Variants in SLC3A1 observed in about 807,000 individuals in gnomAD.
SLC3A1 encodes solute carrier family 3 member 1.
In SLC3A1, 78 loss-of-function variants were observed where a neutral mutation model predicts 60.3. That is an observed-to-expected ratio of 1.29 (90% CI 1.08 to 1.56). The LOEUF is 1.56. Among genes scored for constraint, SLC3A1 ranks in the 40% most tolerant of loss-of-function variants. SLC3A1 has a pLI of 0.00. For missense variants in SLC3A1, 1,172 were observed against 858.9 expected (o/e 1.36, Z -4.56); for synonymous variants, 392 against 307.9 (o/e 1.27, Z -2.86).
intron 3 of SLC3A1, among the ~76,000 whole-genome samples, chr2:44,282,009 T>C (rs978975874): frequency 1.7e-4 from 26 of 152,246 alleles, no homozygotes; most frequent in African/African-American, 5.3e-4. Flanking sequence ...GTAGCTATGA[T>C]TACAGGCGCG....
At chr2:44,281,615 C>A (rs1383273891) in intron 3 of SLC3A1, 74 bp downstream of exon 3, 2 of 1,388,262 alleles carry the variant, frequency 1.4e-6, no homozygotes, top group Non-Finnish European at 1.0e-6. Context: ...TTAGTAAAAC[C>A]CTTTTGAGGG....
At chr2:44,301,235 C>T in intron 6 of SLC3A1, 108 bp downstream of exon 6, 1 of 1,354,752 alleles carries the variant, frequency 7.4e-7, no homozygotes, top group Non-Finnish European at 1.0e-6. Flanking sequence ...TGTAACAAGC[C>T]TGCATAACTC....
chr2:44,306,444 C>T lies in SLC3A1; in HGVS notation c.1332+2106C>T, dbSNP rs573895956. ...TCCGTCTGGTGAGGGGAAAGAGGCT[C>T]AAATTTTTAGGCATGGTAAAAGCTT... On this transcript the variant is annotated intron_variant, in intron 7 of 9. Coordinates refer to ENST00000260649, the MANE Select transcript of SLC3A1 (RefSeq NM_000341.4). Among the ~76,000 whole-genome samples, 8 of 150,836 alleles carry T rather than the reference C, an allele frequency of 5.3e-5. No individual in the cohort carries two copies. The East Asian group carries it at 1.4e-3, about 26-fold the overall frequency.
chr2:44,298,819 C>G (rs1393963221), intron 4 of SLC3A1, among the ~76,000 whole-genome samples: 5 of 152,260 alleles, frequency 3.3e-5, no homozygotes, highest in East Asian at 3.9e-4. Flanking sequence ...ACTACCTTCT[C>G]TCTAGCAAGG....
chr2:44,317,910 A>G (rs1313264034), intron 9 of SLC3A1: 1 of 238,414 alleles, frequency 4.2e-6, no homozygotes, highest in Non-Finnish European at 8.5e-6. Context: ...AACAGACATA[A>G]GAAACACTAA....
intron 9 of SLC3A1, chr2:44,317,858 T>G: frequency 5.1e-6 from 1 of 196,100 alleles, no homozygotes; most frequent in Non-Finnish European, 1.1e-5. Flanking sequence ...TATGAATGGG[T>G]TAAATTAGCC....
chr2:44,277,351 C>T (rs1671372273), intron 1 of SLC3A1, among the ~76,000 whole-genome samples: 1 of 151,482 alleles, frequency 6.6e-6, no homozygotes, highest in Non-Finnish European at 1.5e-5. Flanking sequence ...AGGTGATTTG[C>T]CCCCCCTTGG....
At chr2:44,284,854 C>T (rs1028298974) in intron 3 of SLC3A1, among the ~76,000 whole-genome samples, 2 of 152,188 alleles carry the variant, frequency 1.3e-5, no homozygotes, top group Non-Finnish European at 1.5e-5. Context: ...CATGAGCTAC[C>T]ATGCCCAGCC....
intron 3 of SLC3A1, 23 bp from the exon 4 acceptor site, chr2:44,286,009 G>A: frequency 1.2e-6 from 2 of 1,613,988 alleles, no homozygotes; most frequent in Non-Finnish European, 1.7e-6. Context: ...GGTCACTGAT[G>A]TGCTGTTTTC....
intron 3 of SLC3A1, among the ~76,000 whole-genome samples, chr2:44,282,327 T>C (rs1020190006): frequency 6.6e-6 from 1 of 152,132 alleles, no homozygotes; most frequent in African/African-American, 2.4e-5. Flanking sequence ...CCATCCACTC[T>C]TCTTGGGAAT....
chr2:44,305,443 T>A (rs1341840666), intron 7 of SLC3A1, among the ~76,000 whole-genome samples: 4 of 150,714 alleles, frequency 2.7e-5, no homozygotes, highest in African/African-American at 9.8e-5. Context: ...TTTTTTTTTT[T>A]TTTGAGACGG....
chr2:44,311,402 C>T (rs991542661), intron 7 of SLC3A1, among the ~76,000 whole-genome samples: 1 of 151,958 alleles, frequency 6.6e-6, no homozygotes, highest in African/African-American at 2.4e-5. Flanking sequence ...CTATTGACTC[C>T]CCCCACCATT....
intron 1 of SLC3A1, 73 bp from the exon 2 acceptor site, chr2:44,280,643 A>T: frequency 2.0e-6 from 2 of 1,018,256 alleles, no homozygotes; most frequent in South Asian, 2.8e-5. Context: ...TATCTTAGGC[A>T]TATTTGTTAT....
In SLC3A1 at chr2:44,321,295, A is replaced by T; in HGVS notation, c.*656A>T. On this transcript the variant is annotated 3_prime_UTR_variant, in exon 10 of 10. Transcript: ENST00000260649. ...TATTAATTTTTTTTTTGCTAACTCA[A>T]TTGGAAGTAAGACTATGAAATATTT... The T allele has an allele frequency of 2.2e-6, 3 of 1,354,838 alleles. No individual in the cohort carries two copies. The highest frequency in any genetic ancestry group is 3.1e-6 in the Non-Finnish European group (3 of 972,610). The allele number at this position is 1,354,838 out of a possible 1,614,324, so 83.9% of individuals were successfully genotyped here.
chr2:44,315,144 T>C (rs1226787621), intron 9 of SLC3A1: 1 of 151,948 alleles, frequency 6.6e-6, no homozygotes, highest in African/African-American at 2.4e-5. Flanking sequence ...GGTTTCACCA[T>C]GTTGGGCAGG....
Position 44,308,845 on chromosome 2 carries a change from G to C in SLC3A1, c.1333-3741G>C, listed in dbSNP as rs141567606. Among the ~76,000 whole-genome samples the C allele has an allele frequency of 3.5e-3, 533 of 151,896 alleles. 1 individual carries two copies. The highest frequency in any genetic ancestry group is 0.012 in the African/African-American group (503 of 41,424). ...CCTCCCGGGTTCATGCCATTCTCCT[G>C]TATCAGCCTCCCAAATAGCTGGGAC... On this transcript the variant is annotated intron_variant, in intron 7 of 9. Transcript: ENST00000260649.
chr2:44,313,928 G>T lies in SLC3A1; in HGVS notation c.1594G>T (p.Asp532Tyr), dbSNP rs776036049. The change falls in exon 9 of 10, where the codon GAT becomes TAT. Residue 532 changes from aspartate to tyrosine, a missense_variant. Transcript: ENST00000260649. Reference sequence around the variant, plus strand: ...TAACACCTGGTTACCTACCAATTCAGATTACCACACTGTGAATGTTGATGT... The same window carrying T: ...TAACACCTGGTTACCTACCAATTCATATTACCACACTGTGAATGTTGATGT... ...ASNTWLPTNS[D>Y]YHTVNVDVQK... 2 of 1,614,092 alleles carry T rather than the reference G, an allele frequency of 1.2e-6. No homozygotes were observed. The highest frequency in any genetic ancestry group is 1.1e-5 in the South Asian group (1 of 91,072).
rs1294388482 is a variant in SLC3A1 at position 44,320,658 on chromosome 2, G to T, written c.*19G>T. ...GTGTTAGGCACCTTTATGAAGAGAT[G>T]AAGACACTGGCATTTCAGTGGGATT... On this transcript the variant is annotated 3_prime_UTR_variant, in exon 10 of 10. Coordinates refer to ENST00000260649, the MANE Select transcript of SLC3A1 (RefSeq NM_000341.4). The T allele has an allele frequency of 6.3e-7, 1 of 1,584,492 alleles. No homozygotes were observed. Among genetic ancestry groups the T allele is most frequent in the Admixed American group, 1.7e-5 (1 of 59,974 alleles).
chr2:44,294,130 C>T (rs910527886), intron 4 of SLC3A1, among the ~76,000 whole-genome samples: 3 of 151,994 alleles, frequency 2.0e-5, no homozygotes, highest in South Asian at 2.1e-4. Context: ...CAGGGTATAA[C>T]GGAGCTAAGG....
Sources: gnomAD v4.1 joint callset for allele counts (sites outside exome capture counted in the v4.1 genomes callset) on GRCh38, gnomAD v4.1.1 for gene constraint, MANE v1.5 for transcripts, NCBI Gene and HGNC (gene_info 2026-07-23, HGNC 2026-07-21) for gene names.